The following FBN1 variants were observed in gnomAD, a reference collection of about 807,000 sequenced individuals.
FBN1 encodes the protein fibrillin-1.
A neutral mutation model predicts 365.1 loss-of-function variants in FBN1; 29 were observed. The observed-to-expected ratio is 0.08, with a 90% confidence interval of 0.06 to 0.11. The LOEUF (loss-of-function observed/expected upper bound fraction) is 0.11. Among genes scored for constraint, FBN1 ranks in the 10% least tolerant of loss-of-function variants. The pLI is 1.00. For missense variants in FBN1, 2,476 were observed against 3,703.2 expected (o/e 0.67, Z 8.60); for synonymous variants, 1,210 against 1,270.5 (o/e 0.95, Z 1.01).
chr15:48,537,898 C>G, intron 6 of FBN1, 90 bp from the exon 7 acceptor site: 20 of 1,295,114 alleles, frequency 1.5e-5, no homozygotes, highest in Non-Finnish European at 2.1e-5. Context: ...TGCTTGACTC[C>G]AAATTGAGAA....
chr15:48,515,525 C>A lies in FBN1; in HGVS notation c.1330G>T (p.Val444Leu). The A allele has an allele frequency of 1.9e-6, 3 of 1,613,884 alleles. No individual in the cohort carries two copies. The highest frequency in any genetic ancestry group is 1.1e-5 in the South Asian group (1 of 91,076). ...YLYPSREPPR[V>L]LPVNVTDYCQ... ...TAATCAGTAACGTTTACTGGCAGCACCCCTAGAAGAACATTAAGCCCCATT... is the reference window on the plus strand; with the variant it reads ...TAATCAGTAACGTTTACTGGCAGCAACCCTAGAAGAACATTAAGCCCCATT... The change falls in exon 12 of 66, where the codon GTG becomes TTG. Residue 444 changes from valine (V) to leucine (L), a missense_variant and splice_region_variant. By Grantham distance (32) the Val-to-Leu change is conservative. This residue lies in a region of FBN1 where 421 missense variants were observed against 520.1 expected (regional missense o/e 0.81). Coordinates refer to ENST00000316623, the MANE Select transcript of FBN1 (RefSeq NM_000138.5).
intron 42 of FBN1, among the ~76,000 whole-genome samples, chr15:48,460,588 G>T (rs1349057800): frequency 4.6e-5 from 7 of 152,192 alleles, no homozygotes; most frequent in Admixed American, 4.6e-4. Context: ...GAGTTTACCT[G>T]TAGGAGTTTG....
At chr15:48,490,597 A>G (rs920086290) in intron 24 of FBN1, among the ~76,000 whole-genome samples, 6 of 152,254 alleles carry the variant, frequency 3.9e-5, no homozygotes, top group Non-Finnish European at 2.9e-5. Flanking sequence ...GAAAAATGCA[A>G]AGAAAAGCCA....
intron 2 of FBN1, among the ~76,000 whole-genome samples, chr15:48,640,391 G>A (rs1890177229): frequency 6.6e-6 from 1 of 152,136 alleles, no homozygotes; most frequent in African/African-American, 2.4e-5. Context: ...CCCTGCAGGA[G>A]TCTTTCCCCA....
At chr15:48,519,897 G>A (rs1451080525) in intron 10 of FBN1, among the ~76,000 whole-genome samples, 1 of 152,178 alleles carries the variant, frequency 6.6e-6, no homozygotes, top group Non-Finnish European at 1.5e-5. Flanking sequence ...AGTTCATCCT[G>A]GGGAAATATT....
chr15:48,547,820 C>T (rs1471603099), intron 6 of FBN1, among the ~76,000 whole-genome samples: 1 of 151,346 alleles, frequency 6.6e-6, no homozygotes. Flanking sequence ...CCCTCCTCTT[C>T]TCAGAACTTT....
At position 48,421,596 on chromosome 15, in the gene FBN1, C is replaced by T. The variant is rs199522781; in HGVS notation, c.7661G>A (p.Arg2554Gln). ...GCCGGTCTGATCAAGTGAGAATCCC[C>T]GCTGGCATTCACAGGTGAAGCTTCC... ...TPGSFTCECQ[R>Q]GFSLDQTGSS... is the part of the protein sequence containing the mutation. The change falls in exon 62 of 66, where the codon CGG (arginine) becomes CAG (glutamine). Residue 2554 changes from arginine (R) to glutamine (Q), a missense_variant. Physicochemically the swap from Arg to Gln is conservative, Grantham distance 43. This residue lies in a region of FBN1 where 1,780 missense variants were observed against 2,840.8 expected (regional missense o/e 0.63). Transcript: ENST00000316623. 6.3e-5 allele frequency: 102 copies of T among 1,613,566 alleles called. No individual in the cohort carries two copies. Among genetic ancestry groups the T allele is most frequent in the Non-Finnish European group, 6.3e-5 (74 of 1,179,936 alleles).
chr15:48,619,652 G>A (rs1192856188), intron 2 of FBN1, among the ~76,000 whole-genome samples: 1 of 151,958 alleles, frequency 6.6e-6, no homozygotes. Flanking sequence ...TCCACAACCG[G>A]ATACATCAGG....
rs746343138 is a variant in FBN1 at position 48,446,778 on chromosome 15, G to A, written c.5716C>T (p.Arg1906Trp). ...ERDACGNGTCRNTIGSFNCRC... is the reference protein window; with the variant it reads ...ERDACGNGTCWNTIGSFNCRC... ...CAGTTGAAGGAACCAATTGTGTTCC[G>A]GCAAGTTCCATTCCCACAGGCATCT... The change falls in exon 47 of 66, where the codon CGG becomes TGG. Residue 1906 changes from arginine (R) to tryptophan (W), a missense_variant. This residue lies in a region of FBN1 where 1,780 missense variants were observed against 2,840.8 expected (regional missense o/e 0.63). Transcript: ENST00000316623. 6 of 1,613,134 alleles carry A rather than the reference G, an allele frequency of 3.7e-6. No homozygotes were observed. The East Asian group carries it at 6.7e-5, about 18-fold the overall frequency.
At chr15:48,547,284 T>A (rs556789491) in intron 6 of FBN1, among the ~76,000 whole-genome samples, 2 of 152,240 alleles carry the variant, frequency 1.3e-5, no homozygotes, top group Admixed American at 1.3e-4. Flanking sequence ...GAAAACCAAG[T>A]ATGAAGTACC....
rs140403503 is a variant in FBN1 at position 48,414,678 on chromosome 15, C to T, written c.8051+858G>A. Among the ~76,000 whole-genome samples, 14 of 152,188 alleles carry T rather than the reference C, an allele frequency of 9.2e-5. No homozygotes were observed. In the South Asian group the frequency reaches 2.9e-3, roughly 32 times the overall value. ...TTGGGAGGTCAAGACGGGCAGATCA[C>T]GAGGTCCGGAGATCGAGACCATCCT... is the stretch of plus-strand genomic sequence containing the variant. On this transcript the variant is annotated intron_variant, in intron 64 of 65. Transcript: ENST00000316623.
At chr15:48,568,057 A>AAAGAAAG (rs1566928796) in intron 6 of FBN1, among the ~76,000 whole-genome samples, 108 of 113,054 alleles carry the variant, frequency 9.6e-4, no homozygotes, top group African/African-American at 2.5e-3. Flanking sequence ...AAGAAGAAAG[A>AAAGAAAG]AAGAAAGAAA....
At chr15:48,473,743 T>C (rs968038396) in intron 34 of FBN1, among the ~76,000 whole-genome samples, 2 of 151,934 alleles carry the variant, frequency 1.3e-5, no homozygotes, top group African/African-American at 4.8e-5. Flanking sequence ...TCTCCTTACA[T>C]AGTTCCCTAC....
chr15:48,492,661 T>A (rs188073400), intron 23 of FBN1, 75 bp from the exon 24 acceptor site: 1 of 1,186,636 alleles, frequency 8.4e-7, no homozygotes, highest in African/African-American at 1.5e-5. Flanking sequence ...CATAGAGTCA[T>A]AATTATTCCC....
At chr15:48,613,186 A>G (rs2044670746) in intron 2 of FBN1, 94 bp from the exon 3 acceptor site, 2 of 924,736 alleles carry the variant, frequency 2.2e-6, no homozygotes, top group East Asian at 4.8e-5. Flanking sequence ...GAGTTATAAA[A>G]GCAAGATGAA....
chr15:48,480,739 A>G (rs10851468), intron 32 of FBN1, among the ~76,000 whole-genome samples: 63,038 of 152,014 alleles, frequency 0.41, 14,790 homozygotes, highest in African/African-American at 0.65. Flanking sequence ...ATATTTTAAT[A>G]TTTGTTTTAA....
At chr15:48,574,688 C>T (rs2044332227) in intron 6 of FBN1, among the ~76,000 whole-genome samples, 1 of 151,900 alleles carries the variant, frequency 6.6e-6, no homozygotes, top group Non-Finnish European at 1.5e-5. Context: ...ATGCAATAAG[C>T]TAGAAAAGAT....
chr15:48,571,682 T>TA (rs1444219859), intron 6 of FBN1, among the ~76,000 whole-genome samples: 2 of 152,168 alleles, frequency 1.3e-5, no homozygotes, highest in African/African-American at 4.8e-5. Flanking sequence ...AACCAAAACT[T>TA]AGACATGCAG....
chr15:48,464,130 CAAATA>C, intron 40 of FBN1, 109 bp from the exon 41 acceptor site: 2 of 1,056,746 alleles, frequency 1.9e-6, no homozygotes, highest in Non-Finnish European at 2.9e-6. Flanking sequence ...AGGGTATTTT[CAAATA>C]AGATAACGAA....
Sources: gnomAD v4.1 joint callset for allele counts (sites outside exome capture counted in the v4.1 genomes callset) on GRCh38, gnomAD v4.1.1 for gene constraint, gnomAD v4.1.1 regional missense constraint, MANE v1.5 for transcripts, NCBI Gene and HGNC (gene_info 2026-07-23, HGNC 2026-07-21) for gene names.